The following RALYL variants were observed in gnomAD, a reference collection of about 807,000 sequenced individuals.
The protein encoded by RALYL is RALY RNA binding protein like.
In RALYL, 29 loss-of-function variants were observed where a neutral mutation model predicts 35.1. The observed-to-expected ratio is 0.83, with a 90% CI of 0.61 to 1.13. The LOEUF (loss-of-function observed/expected upper bound fraction) is 1.13, where lower values mean the gene tolerates loss of function less well. RALYL is among the 50% of genes most tolerant of loss of function. The pLI is 0.00. For synonymous variants in RALYL, 120 were observed against 127.6 expected, an observed-to-expected ratio of 0.94 and a Z score of 0.40; for missense variants, 359 against 360.4, an observed-to-expected ratio of 1.00 and a Z score of 0.03.
At chr8:84,350,766 T>C (rs887512488) in intron 1 of RALYL, among the ~76,000 whole-genome samples, 6 of 150,170 alleles carry the variant, frequency 4.0e-5, no homozygotes, top group Non-Finnish European at 8.9e-5. Flanking sequence ...GGGCAAGTAG[T>C]TTTATGTAGA....
chr8:84,425,089 T>C (rs1350563467), intron 1 of RALYL, among the ~76,000 whole-genome samples: 1 of 152,214 alleles, frequency 6.6e-6, no homozygotes, highest in Non-Finnish European at 1.5e-5. Context: ...CAGTTCGAGC[T>C]TCCTAGCTGC....
intron 4 of RALYL, among the ~76,000 whole-genome samples, chr8:84,837,938 T>C (rs1482094130): frequency 6.6e-6 from 1 of 152,258 alleles, no homozygotes; most frequent in African/African-American, 2.4e-5. Flanking sequence ...TTGAGTTTCA[T>C]CCTAGACAGT....
intron 1 of RALYL, among the ~76,000 whole-genome samples, chr8:84,311,096 T>TAA (rs1842741503): frequency 4.3e-5 from 4 of 93,358 alleles, no homozygotes; most frequent in Admixed American, 2.5e-4. Context: ...AAAAAATGTA[T>TAA]ATTAATGTAT....
chr8:84,332,634 C>T (rs1407323286), intron 1 of RALYL, among the ~76,000 whole-genome samples: 2 of 152,008 alleles, frequency 1.3e-5, no homozygotes, highest in Non-Finnish European at 2.9e-5. Flanking sequence ...AATAATATTT[C>T]CCCTTTTTTA....
At chr8:84,734,312 T>A (rs1208661583) in intron 2 of RALYL, among the ~76,000 whole-genome samples, 1 of 152,188 alleles carries the variant, frequency 6.6e-6, no homozygotes, top group African/African-American at 2.4e-5. Context: ...TTTTTAAAAA[T>A]TATAATTAGC....
At chr8:84,709,029 T>G (rs1468030653) in intron 2 of RALYL, among the ~76,000 whole-genome samples, 1 of 152,182 alleles carries the variant, frequency 6.6e-6, no homozygotes, top group East Asian at 1.9e-4. Flanking sequence ...TTGGGTGAGC[T>G]TATCGACCTT....
chr8:84,495,737 G>A (rs1158045076), intron 1 of RALYL, among the ~76,000 whole-genome samples: 1 of 152,002 alleles, frequency 6.6e-6, no homozygotes, highest in Non-Finnish European at 1.5e-5. Context: ...GTCTTAAGCA[G>A]TTTAATATTT....
intron 6 of RALYL, among the ~76,000 whole-genome samples, chr8:84,866,009 G>T (rs529820579): frequency 6.6e-6 from 1 of 152,264 alleles, no homozygotes; most frequent in Admixed American, 6.5e-5. Flanking sequence ...ATCAACCAGA[G>T]AAATAATATT....
At chr8:84,686,021 AT>A (rs1243537535) in intron 2 of RALYL, among the ~76,000 whole-genome samples, 9 of 152,256 alleles carry the variant, frequency 5.9e-5, no homozygotes, top group African/African-American at 2.2e-4. Flanking sequence ...ATTAGGGTAC[AT>A]TTTGTGTATC....
At chr8:84,562,388 C>G (rs1333162224) in intron 2 of RALYL, among the ~76,000 whole-genome samples, 5 of 151,956 alleles carry the variant, frequency 3.3e-5, no homozygotes, top group Non-Finnish European at 5.9e-5. Flanking sequence ...ATCAAAAACT[C>G]ATAAGCAAAT....
At chr8:84,389,687 T>C (rs1191624740) in intron 1 of RALYL, among the ~76,000 whole-genome samples, 2 of 150,940 alleles carry the variant, frequency 1.3e-5, no homozygotes, top group African/African-American at 5.0e-5. Flanking sequence ...TTTTGTACAT[T>C]GATTTTGTAT....
At chr8:84,385,432 ATACT>A (rs552413447) in intron 1 of RALYL, among the ~76,000 whole-genome samples, 14 of 151,966 alleles carry the variant, frequency 9.2e-5, no homozygotes, top group African/African-American at 3.1e-4. Context: ...CTTAAATATG[ATACT>A]TACTTCATCT....
intron 2 of RALYL, among the ~76,000 whole-genome samples, chr8:84,558,596 T>C (rs2135546150): frequency 1.3e-5 from 2 of 152,298 alleles, no homozygotes; most frequent in African/African-American, 4.8e-5. Context: ...TTAGTTTAAA[T>C]CACTTCTGTG....
At chr8:84,899,511 T>C (rs907022217) in intron 8 of RALYL, among the ~76,000 whole-genome samples, 14 of 152,188 alleles carry the variant, frequency 9.2e-5, no homozygotes, top group Non-Finnish European at 1.3e-4. Flanking sequence ...CATAATCAGA[T>C]TGTGTTCTAA....
At chr8:84,413,293 A>G (rs2044280932) in intron 1 of RALYL, among the ~76,000 whole-genome samples, 1 of 151,558 alleles carries the variant, frequency 6.6e-6, no homozygotes, top group Non-Finnish European at 1.5e-5. Flanking sequence ...ATTTTATACA[A>G]CATTTTTACT....
At chr8:84,317,939 G>A (rs1034190573) in intron 1 of RALYL, among the ~76,000 whole-genome samples, 4 of 151,844 alleles carry the variant, frequency 2.6e-5, no homozygotes, top group Non-Finnish European at 5.9e-5. Flanking sequence ...CAATTATTAA[G>A]TTTTTATGTC....
At chr8:84,346,481 T>A (rs1301588887) in intron 1 of RALYL, among the ~76,000 whole-genome samples, 1 of 152,106 alleles carries the variant, frequency 6.6e-6, no homozygotes, top group East Asian at 1.9e-4. Flanking sequence ...CTAATGCTCT[T>A]TTTTTGAGAT....
chr8:84,233,979 A>G (rs756457721), intron 1 of RALYL, among the ~76,000 whole-genome samples: 19 of 152,102 alleles, frequency 1.2e-4, no homozygotes, highest in African/African-American at 4.8e-5. Flanking sequence ...TGAGCTTTTC[A>G]GTCTCATTTG....
chr8:84,582,785 A>G (rs1049387080), intron 2 of RALYL, among the ~76,000 whole-genome samples: 2 of 152,060 alleles, frequency 1.3e-5, no homozygotes. Flanking sequence ...GATTTGCTCT[A>G]TAATTGTTGG....
Sources: allele counts gnomAD v4.1 joint callset (sites outside exome capture counted in the v4.1 genomes callset), GRCh38; gene constraint gnomAD v4.1.1; transcripts MANE v1.5; gene names NCBI Gene and HGNC (gene_info 2026-07-23, HGNC 2026-07-21).